The following SDK1 variants were observed in gnomAD, a reference collection of about 807,000 sequenced individuals.
SDK1 encodes protein sidekick-1.
Under a neutral mutation model 245.5 loss-of-function variants are expected in SDK1, and 157 were observed. That is an observed-to-expected ratio of 0.64 (90% CI 0.56 to 0.73). The LOEUF is 0.73. Among genes scored for constraint, SDK1 ranks in the 30% least tolerant of loss-of-function variants. The pLI, the probability that SDK1 is intolerant of heterozygous loss-of-function variation, is 0.00. For missense variants in SDK1, 3,583 were observed against 3,002.3 expected, an observed-to-expected ratio of 1.19 and a Z score of -4.52; for synonymous variants, 1,647 against 1,278.5, an observed-to-expected ratio of 1.29 and a Z score of -6.15.
At chr7:3,351,417 G>A (rs1780657200) in intron 1 of SDK1, among the ~76,000 whole-genome samples, 1 of 152,104 alleles carries the variant, frequency 6.6e-6, no homozygotes, top group South Asian at 2.1e-4. Context: ...AGGAAAAACA[G>A]AAAGCACACA....
At chr7:3,975,333 C>G (rs1782833121) in intron 13 of SDK1, among the ~76,000 whole-genome samples, 1 of 152,178 alleles carries the variant, frequency 6.6e-6, no homozygotes, top group Non-Finnish European at 1.5e-5. Flanking sequence ...CAGTGGCCAG[C>G]TCCAGGGACA....
chr7:4,064,653 A>G (rs1005539872), intron 19 of SDK1, among the ~76,000 whole-genome samples: 2 of 152,234 alleles, frequency 1.3e-5, no homozygotes, highest in Non-Finnish European at 2.9e-5. Context: ...AAGATACGGA[A>G]TCAACCCAAG....
intron 5 of SDK1, 69 bp downstream of exon 5, chr7:3,821,652 C>G: frequency 2.0e-6 from 3 of 1,521,180 alleles, no homozygotes; most frequent in East Asian, 2.3e-5. Flanking sequence ...TAACCACTGT[C>G]TGACAGGACA....
In SDK1 at chr7:3,955,562, G is replaced by T. The variant is rs189501469; in HGVS notation, c.1151-3369G>T. On this transcript the variant is annotated intron_variant, in intron 7 of 44. Coordinates refer to ENST00000404826, the MANE Select transcript of SDK1 (RefSeq NM_152744.4). ...TCCGGGAGCCGTTCTGTCCACCTCG[G>T]TGGACTAGCGTGCAGTGCAGGCCAG... Among the ~76,000 whole-genome samples the T allele has an allele frequency of 2.3e-3, 348 of 152,304 alleles. 2 individuals are homozygous for T. The highest frequency in any genetic ancestry group is 8.0e-3 in the African/African-American group (332 of 41,564).
At chr7:4,065,045 C>G (rs1178683694) in intron 19 of SDK1, among the ~76,000 whole-genome samples, 1 of 151,790 alleles carries the variant, frequency 6.6e-6, no homozygotes, top group Non-Finnish European at 1.5e-5. Context: ...TTCAAAATAC[C>G]AAGGAAAGAG....
At chr7:3,723,269 G>A (rs764288464) in intron 4 of SDK1, among the ~76,000 whole-genome samples, 1 of 152,190 alleles carries the variant, frequency 6.6e-6, no homozygotes, top group Non-Finnish European at 1.5e-5. Flanking sequence ...TGAGTATGGA[G>A]GTAGAGACAT....
At chr7:3,477,254 G>A (rs552042051) in intron 1 of SDK1, among the ~76,000 whole-genome samples, 6 of 134,862 alleles carry the variant, frequency 4.4e-5, no homozygotes, top group East Asian at 2.3e-4. Context: ...GGAGTGCAGC[G>A]GCGCGATCTT....
chr7:4,144,778 A>G (rs1253462454), intron 28 of SDK1, among the ~76,000 whole-genome samples: 4 of 152,138 alleles, frequency 2.6e-5, no homozygotes, highest in Non-Finnish European at 5.9e-5. Flanking sequence ...CCACTCCACG[A>G]AGAGGCAGCA....
chr7:4,146,382 C>A (rs1307460075), intron 29 of SDK1, among the ~76,000 whole-genome samples: 2 of 151,872 alleles, frequency 1.3e-5, no homozygotes, highest in African/African-American at 4.8e-5. Flanking sequence ...CACCTGCTCT[C>A]TCAGACATGT....
chr7:3,947,326 T>G (rs1427903149), intron 5 of SDK1, among the ~76,000 whole-genome samples: 1 of 152,218 alleles, frequency 6.6e-6, no homozygotes, highest in Non-Finnish European at 1.5e-5. Context: ...AACATTTAAA[T>G]TCTGTTTCCT....
chr7:4,094,866 G>C (rs1378390704), intron 22 of SDK1, among the ~76,000 whole-genome samples: 1 of 152,174 alleles, frequency 6.6e-6, no homozygotes, highest in Non-Finnish European at 1.5e-5. Flanking sequence ...TCAAGCATCA[G>C]GACACGGAGG....
At chr7:3,619,407 C>G (rs1351761508) in intron 2 of SDK1, among the ~76,000 whole-genome samples, 168 bp downstream of exon 2, 1 of 152,150 alleles carries the variant, frequency 6.6e-6, no homozygotes, top group Non-Finnish European at 1.5e-5. Context: ...ATTTACTATT[C>G]TGATATAGGT....
At position 4,174,304 on chromosome 7, in the gene SDK1, G is replaced by A. The variant is rs751541249; in HGVS notation, c.4883G>A (p.Gly1628Asp). Residue 1628 changes from glycine (G) to aspartate (D), a missense_variant, in exon 33 of 45, where the codon GGC becomes GAC. Coordinates refer to ENST00000404826, the MANE Select transcript of SDK1 (RefSeq NM_152744.4). The stretch of plus-strand genomic sequence containing the variant: ...GAGCTGGAGTATGAAGCCGGGTCAG[G>A]CACTGAGGCCAAGACGCTCAAAAAC... ...YRELEYEAGS[G>D]TEAKTLKNPI... 3 of 1,613,832 alleles carry A rather than the reference G, an allele frequency of 1.9e-6. No individual in the cohort carries two copies. The highest frequency in any genetic ancestry group is 2.7e-5 in the African/African-American group (2 of 74,924).
chr7:3,554,393 C>T (rs1376110736), intron 1 of SDK1, among the ~76,000 whole-genome samples: 1 of 151,074 alleles, frequency 6.6e-6, no homozygotes, highest in African/African-American at 2.4e-5. Flanking sequence ...ATACATAAAA[C>T]TGAAAGCAAA....
chr7:3,686,121 G>T (rs2010395), intron 4 of SDK1, among the ~76,000 whole-genome samples: 1 of 152,060 alleles, frequency 6.6e-6, no homozygotes, highest in African/African-American at 2.4e-5. Context: ...TGTTGCCCAT[G>T]CTGGAGCACA....
chr7:3,862,077 G>A (rs908866564), intron 5 of SDK1, among the ~76,000 whole-genome samples: 11 of 152,192 alleles, frequency 7.2e-5, no homozygotes, highest in Admixed American at 6.5e-4. Context: ...AATGGTGGGT[G>A]GGGGAGTTTC....
At chr7:3,870,654 C>T (rs550718226) in intron 5 of SDK1, among the ~76,000 whole-genome samples, 2 of 152,252 alleles carry the variant, frequency 1.3e-5, no homozygotes, top group Non-Finnish European at 2.9e-5. Flanking sequence ...CCCATATACC[C>T]TTCTTTCAGT....
chr7:4,074,917 T>TATATATATATATATATATATATATA (rs1491485999), intron 20 of SDK1, among the ~76,000 whole-genome samples: 1 of 53,728 alleles, frequency 1.9e-5, no homozygotes, highest in African/African-American at 1.2e-4. Flanking sequence ...TATATATATA[T>TATATATATATATATATATATATATA]TTTTTTTTTT....
rs547226840 is a variant in SDK1, at chr7:3,818,492, C to A, written c.714-2958C>A. On this transcript the variant is annotated intron_variant, in intron 4 of 44. Transcript: ENST00000404826. ...CCTGTAATTGTACCACTCAGACTAA[C>A]CACTGTTAACCTTTTATGTGTACAC... Among the ~76,000 whole-genome samples the A allele has an allele frequency of 3.0e-4, 45 of 152,312 alleles. No homozygotes were observed. The East Asian group carries it at 8.3e-3, about 28-fold the overall frequency.
Sources: gnomAD v4.1 joint callset for allele counts (sites outside exome capture counted in the v4.1 genomes callset) on GRCh38, gnomAD v4.1.1 for gene constraint, MANE v1.5 for transcripts, NCBI Gene and HGNC (gene_info 2026-07-23, HGNC 2026-07-21) for gene names.